MAGI2: variants seen among roughly 807,000 people sequenced by gnomAD.
MAGI2 encodes membrane-associated guanylate kinase, WW and PDZ domain-containing protein 2.
MAGI2 carries 35 observed loss-of-function variants against 133.3 expected under a neutral mutation model. That is an observed-to-expected ratio of 0.26 (90% CI 0.20 to 0.35). The LOEUF (loss-of-function observed/expected upper bound fraction) is 0.35. Among genes scored for constraint, MAGI2 ranks in the 10% least tolerant of loss-of-function variants. MAGI2 has a pLI of 1.00. For synonymous variants in MAGI2, 729 were observed against 710.6 expected (o/e 1.03, Z -0.41); for missense variants, 1,636 against 1,863.4 (o/e 0.88, Z 2.25).
Position 79,056,432 on chromosome 7 carries a change from G to A in MAGI2, c.302-49226C>T, listed in dbSNP as rs371585465. On this transcript the variant is annotated intron_variant, in intron 1 of 21. Transcript: ENST00000354212. ...ACAATGAACTCCAAATCTCTGAAAG[G>A]ACCTTAGTCTTAATTTAGACAACCC... Among the ~76,000 whole-genome samples, 25 of 152,132 alleles carry A rather than the reference G, an allele frequency of 1.6e-4. No homozygotes were observed. In the South Asian group the frequency reaches 4.8e-3, roughly 29 times the overall value.
chr7:78,998,483 C>G lies in MAGI2; in HGVS notation c.418+8607G>C, dbSNP rs1424850387. Among the ~76,000 whole-genome samples the G allele has an allele frequency of 4.6e-5, 7 of 152,104 alleles. No individual in the cohort carries two copies. In the East Asian group the frequency reaches 1.2e-3, roughly 25 times the overall value. ...CCCTATAATGAGTTAGTGGCAGAAC[C>G]TGTTCTAGAACCAATGGCTTCCAAT... On this transcript the variant is annotated intron_variant, in intron 2 of 21. Transcript: ENST00000354212.
At chr7:78,540,792 T>G (rs79696670) in intron 3 of MAGI2, among the ~76,000 whole-genome samples, 3,279 of 152,230 alleles carry the variant, frequency 0.022, 88 homozygotes, top group South Asian at 0.13. Context: ...CCCCGCTGCT[T>G]CTTCTACTTT....
At chr7:78,280,149 G>T (rs1795424970) in intron 9 of MAGI2, among the ~76,000 whole-genome samples, 1 of 152,168 alleles carries the variant, frequency 6.6e-6, no homozygotes, top group Non-Finnish European at 1.5e-5. Context: ...GTTTCTGGGG[G>T]ATTTGGAAGG....
chr7:78,697,830 C>T (rs1390763575), intron 2 of MAGI2, among the ~76,000 whole-genome samples: 1 of 152,062 alleles, frequency 6.6e-6, no homozygotes, highest in Non-Finnish European at 1.5e-5. Context: ...CCTCTCTCAT[C>T]CTTAAATGAT....
intron 1 of MAGI2, among the ~76,000 whole-genome samples, chr7:79,092,451 C>A (rs897263039): frequency 1.2e-4 from 17 of 140,100 alleles, no homozygotes; most frequent in African/African-American, 5.0e-4. Flanking sequence ...AAAGACCAAA[C>A]AAACCTATAG....
At chr7:78,258,307 A>T (rs1793193234) in intron 9 of MAGI2, among the ~76,000 whole-genome samples, 1 of 152,164 alleles carries the variant, frequency 6.6e-6, no homozygotes, top group African/African-American at 2.4e-5. Flanking sequence ...AATTGATTCC[A>T]TTCATCTCAG....
chr7:79,013,191 A>C (rs1407853758), intron 1 of MAGI2, among the ~76,000 whole-genome samples: 2 of 143,730 alleles, frequency 1.4e-5, no homozygotes, highest in Admixed American at 7.0e-5. Context: ...AGACAACCAA[A>C]TTATTTTACT....
chr7:78,348,638 G>A (rs963240726), intron 7 of MAGI2, among the ~76,000 whole-genome samples: 3 of 152,036 alleles, frequency 2.0e-5, no homozygotes, highest in Non-Finnish European at 4.4e-5. Context: ...TCCATCCACT[G>A]AAGCATTTAT....
chr7:78,610,240 T>C (rs1369437196), intron 3 of MAGI2, among the ~76,000 whole-genome samples: 1 of 152,236 alleles, frequency 6.6e-6, no homozygotes, highest in Non-Finnish European at 1.5e-5. Context: ...AAGGCCATTC[T>C]ACTGTTCTAT....
chr7:78,208,988 C>G (rs1039594461), intron 10 of MAGI2, among the ~76,000 whole-genome samples: 5 of 150,718 alleles, frequency 3.3e-5, no homozygotes, highest in African/African-American at 9.7e-5. Flanking sequence ...TTTGGGAGGC[C>G]GAGGCAGGTG....
intron 2 of MAGI2, among the ~76,000 whole-genome samples, chr7:78,782,523 G>A (rs1348752705): frequency 1.3e-5 from 2 of 152,188 alleles, no homozygotes; most frequent in East Asian, 1.9e-4. Flanking sequence ...GATCCCCTAG[G>A]GCATAACTGA....
chr7:78,371,598 A>C (rs1793921096), intron 6 of MAGI2, among the ~76,000 whole-genome samples: 1 of 151,990 alleles, frequency 6.6e-6, no homozygotes, highest in South Asian at 2.1e-4. Context: ...GTTCTAAGCA[A>C]TATATCCCAG....
intron 9 of MAGI2, among the ~76,000 whole-genome samples, chr7:78,270,075 T>C (rs1342918857): frequency 6.6e-6 from 1 of 152,158 alleles, no homozygotes; most frequent in Non-Finnish European, 1.5e-5. Flanking sequence ...CAAATGCTGG[T>C]AGATATGTGG....
At chr7:78,225,511 C>T (rs1829992) in intron 10 of MAGI2, among the ~76,000 whole-genome samples, 1,551 of 152,236 alleles carry the variant, frequency 0.01, 26 homozygotes, top group African/African-American at 0.034. Context: ...CAACATGCAC[C>T]TGTATTTGTG....
chr7:78,737,860 C>T (rs949611734), intron 2 of MAGI2, among the ~76,000 whole-genome samples: 18 of 151,716 alleles, frequency 1.2e-4, no homozygotes, highest in Admixed American at 1.2e-3. Context: ...TTTTGGGGTC[C>T]TCATAATTTT....
chr7:78,670,190 A>T (rs1350844012), intron 2 of MAGI2, among the ~76,000 whole-genome samples: 1 of 152,032 alleles, frequency 6.6e-6, no homozygotes, highest in African/African-American at 2.4e-5. Context: ...CTCAGCCCAA[A>T]ATCTTCTTAA....
intron 1 of MAGI2, among the ~76,000 whole-genome samples, chr7:79,182,687 G>C (rs768310957): frequency 6.6e-6 from 1 of 151,804 alleles, no homozygotes; most frequent in East Asian, 1.9e-4. Flanking sequence ...CTAAGAGTAC[G>C]TCCAAAGAAA....
chr7:79,104,537 C>T (rs147479122), intron 1 of MAGI2, among the ~76,000 whole-genome samples: 1,960 of 151,844 alleles, frequency 0.013, 55 homozygotes, highest in African/African-American at 0.044. Context: ...CGTGGTGGGA[C>T]GCGCCTGTAG....
intron 1 of MAGI2, among the ~76,000 whole-genome samples, chr7:79,065,977 T>A (rs573779250): frequency 1.3e-5 from 2 of 152,214 alleles, no homozygotes; most frequent in South Asian, 4.1e-4. Flanking sequence ...GCATTTGAGT[T>A]GGTTCCAAGT....
Sources: gnomAD v4.1 joint callset for allele counts (sites outside exome capture counted in the v4.1 genomes callset) on GRCh38, gnomAD v4.1.1 for gene constraint, MANE v1.5 for transcripts, NCBI Gene and HGNC (gene_info 2026-07-23, HGNC 2026-07-21) for gene names.